Variants in NRG1 observed in about 807,000 individuals in gnomAD.
The protein encoded by NRG1 is neuregulin 1.
In NRG1, 18 loss-of-function variants were observed where a neutral mutation model predicts 63.8. That is an observed-to-expected ratio of 0.28 (90% confidence interval 0.19 to 0.42). The LOEUF (loss-of-function observed/expected upper bound fraction) is 0.42. Among genes scored for constraint, NRG1 ranks in the 10% least tolerant of loss-of-function variants. The pLI, the probability that NRG1 is intolerant of heterozygous loss-of-function variation, is 1.00. For synonymous variants in NRG1, 302 were observed against 301.3 expected, an observed-to-expected ratio of 1.00 and a Z score of -0.02; for missense variants, 762 against 814.7, an observed-to-expected ratio of 0.94 and a Z score of 0.79.
chr8:32,037,763 A>G (rs1282286547), intron 1 of NRG1, among the ~76,000 whole-genome samples: 2 of 152,206 alleles, frequency 1.3e-5, no homozygotes, highest in African/African-American at 2.4e-5. Context: ...CAAACTGCCC[A>G]GTCTCGCTGG....
chr8:32,737,184 A>G (rs1430699548), intron 6 of NRG1, among the ~76,000 whole-genome samples: 2 of 152,184 alleles, frequency 1.3e-5, no homozygotes, highest in Non-Finnish European at 2.9e-5. Flanking sequence ...TCTTTTCCAA[A>G]TTGCAAACAT....
At chr8:32,515,160 T>C (rs568215687) in intron 1 of NRG1, among the ~76,000 whole-genome samples, 1 of 152,298 alleles carries the variant, frequency 6.6e-6, no homozygotes, top group East Asian at 1.9e-4. Context: ...CTGTGTTGAA[T>C]AGTAGTTTTA....
intron 1 of NRG1, among the ~76,000 whole-genome samples, chr8:32,143,238 T>C (rs1836482652): frequency 6.6e-6 from 1 of 151,412 alleles, no homozygotes; most frequent in African/African-American, 2.4e-5. Context: ...TTAAGGCTTT[T>C]TTTTTGGGGG....
At chr8:31,753,340 A>G (rs944570643) in intron 1 of NRG1, among the ~76,000 whole-genome samples, 9 of 148,912 alleles carry the variant, frequency 6.0e-5, no homozygotes, top group African/African-American at 2.2e-4. Context: ...GTCATCAAAA[A>G]AAAAACCTGA....
chr8:31,987,508 C>T (rs2346375), intron 1 of NRG1, among the ~76,000 whole-genome samples: 82,603 of 151,464 alleles, frequency 0.55, 26,962 homozygotes, highest in Non-Finnish European at 0.73. Context: ...AACCAGATAC[C>T]ACATGTTCTC....
chr8:32,701,377 C>T (rs1293992079), intron 5 of NRG1, among the ~76,000 whole-genome samples: 1 of 152,044 alleles, frequency 6.6e-6, no homozygotes. Context: ...CACAAGAATG[C>T]AAGAAATGAC....
intron 1 of NRG1, chr8:31,639,884 G>A: frequency 9.2e-7 from 1 of 1,089,604 alleles, no homozygotes; most frequent in Non-Finnish European, 1.1e-6. Flanking sequence ...CAAGGGGGGA[G>A]GAGGAGGAGT....
chr8:32,476,734 AT>A (rs1824570072), intron 1 of NRG1, among the ~76,000 whole-genome samples: 1 of 152,158 alleles, frequency 6.6e-6, no homozygotes, highest in South Asian at 2.1e-4. Context: ...TGCAGTAAAT[AT>A]TGACAGTTAC....
chr8:32,445,491 C>T (rs145209897), intron 1 of NRG1, among the ~76,000 whole-genome samples: 4 of 152,184 alleles, frequency 2.6e-5, no homozygotes, highest in East Asian at 1.9e-4. Context: ...TATTGAACCA[C>T]GTGATTTGCC....
At chr8:32,332,143 T>TA (rs530300419) in intron 1 of NRG1, among the ~76,000 whole-genome samples, 1 of 151,782 alleles carries the variant, frequency 6.6e-6, no homozygotes, top group African/African-American at 2.4e-5. Context: ...TAAAAAAATA[T>TA]AAAAAAAAGA....
intron 1 of NRG1, among the ~76,000 whole-genome samples, chr8:32,069,077 A>AG (rs1361877411): frequency 6.6e-6 from 1 of 152,178 alleles, no homozygotes; most frequent in Non-Finnish European, 1.5e-5. Context: ...AATGGCAGGA[A>AG]GGGGGCCAGG....
chr8:31,968,025 G>C (rs1181967745), intron 1 of NRG1, among the ~76,000 whole-genome samples: 1 of 152,122 alleles, frequency 6.6e-6, no homozygotes, highest in Non-Finnish European at 1.5e-5. Flanking sequence ...TGATCCCTCA[G>C]TTCTTCATAT....
rs144656213 is a variant in NRG1, at chr8:32,667,850, C to G, written c.502+50965C>G. Reference sequence around the variant, plus strand: ...TTTGAATTATTTATAAAAAGGATCTCATTACATTTTTCCATAGATAACGAT... The same window carrying G: ...TTTGAATTATTTATAAAAAGGATCTGATTACATTTTTCCATAGATAACGAT... On this transcript the variant is annotated intron_variant, in intron 5 of 11. Coordinates refer to ENST00000356819, the Ensembl canonical transcript of NRG1. Among the ~76,000 whole-genome samples, 431 of 152,216 alleles carry G rather than the reference C, an allele frequency of 2.8e-3. 1 individual carries two copies. The highest frequency in any genetic ancestry group is 9.7e-3 in the African/African-American group (402 of 41,536).
intron 1 of NRG1, among the ~76,000 whole-genome samples, chr8:31,871,915 A>G (rs1413411565): frequency 1.3e-5 from 2 of 152,154 alleles, no homozygotes; most frequent in Non-Finnish European, 2.9e-5. Flanking sequence ...ATTCAAAAGG[A>G]TAATGTGGCT....
chr8:31,654,851 G>A (rs1305785426), intron 1 of NRG1, among the ~76,000 whole-genome samples: 1 of 152,178 alleles, frequency 6.6e-6, no homozygotes, highest in Admixed American at 6.5e-5. Flanking sequence ...TGAGTCAGGA[G>A]GATCCCTTGA....
At chr8:31,649,924 C>A (rs999009380) in intron 1 of NRG1, among the ~76,000 whole-genome samples, 3 of 152,138 alleles carry the variant, frequency 2.0e-5, no homozygotes, top group Non-Finnish European at 4.4e-5. Context: ...TGTCCATTGC[C>A]CCAATCCCCT....
intron 1 of NRG1, among the ~76,000 whole-genome samples, chr8:31,836,920 T>G (rs564906349): frequency 6.6e-6 from 1 of 152,204 alleles, no homozygotes; most frequent in Non-Finnish European, 1.5e-5. Flanking sequence ...TCTCTATGCC[T>G]TCATCAACCT....
Position 32,087,482 on chromosome 8 carries a change from C to CT in NRG1, c.37+448068dup, listed in dbSNP as rs67438409. On this transcript the variant is annotated intron_variant, in intron 1 of 10. Transcript: ENST00000519301. ...CCAGCCTCAGGTATTTCTTTTCTTT[C>CT]TTTTTTTTTTTTTTTTTGAGATGGA... is the stretch of plus-strand genomic sequence containing the variant. Among the ~76,000 whole-genome samples the CT allele has an allele frequency of 9.4e-4, 85 of 90,268 alleles. 2 individuals are homozygous for CT. The highest frequency in any genetic ancestry group is 1.4e-3 in the African/African-American group (37 of 26,072). The allele number at this position is 90,268 out of a possible 152,430, so 59.2% of individuals were successfully genotyped here.
At chr8:31,750,965 C>T (rs1297617239) in intron 1 of NRG1, among the ~76,000 whole-genome samples, 2 of 151,916 alleles carry the variant, frequency 1.3e-5, no homozygotes, top group African/African-American at 2.4e-5. Flanking sequence ...CATAATAATT[C>T]AGAAGTGGAA....
Sources: allele counts gnomAD v4.1 joint callset (sites outside exome capture counted in the v4.1 genomes callset), GRCh38; gene constraint gnomAD v4.1.1; transcripts MANE v1.5; gene names NCBI Gene and HGNC (gene_info 2026-07-23, HGNC 2026-07-21).